Variants in ATF7IP observed in about 807,000 individuals in gnomAD.
The protein encoded by ATF7IP is activating transcription factor 7-interacting protein 1.
Under a neutral mutation model 106.4 loss-of-function variants are expected in ATF7IP, and 23 were observed. The ratio of observed to expected loss-of-function variants is 0.22; its 90% CI spans 0.16 to 0.31. The LOEUF (loss-of-function observed/expected upper bound fraction) is 0.31. Ranked by LOEUF, ATF7IP falls within the 10% of genes least tolerant of loss-of-function variation. The pLI is 1.00. For missense variants in ATF7IP, 1,334 were observed against 1,524.3 expected (o/e 0.88, Z 2.08); for synonymous variants, 542 against 539.0 (o/e 1.01, Z -0.08).
chr12:14,501,278 C>G lies in ATF7IP; in HGVS notation c.*3205C>G, dbSNP rs1945153205. On this transcript the variant is annotated 3_prime_UTR_variant, in exon 15 of 15. Transcript: ENST00000261168. ...AATGCAAGTTTGCTACATTTTTAGC[C>G]TGGCAATATTTGTGTAGGTATTGCC... The G allele has an allele frequency of 1.3e-5, 2 of 152,290 alleles. No homozygotes were observed. Among genetic ancestry groups the G allele is most frequent in the Admixed American group, 1.3e-4 (2 of 15,294 alleles). The allele number at this position is 152,290 out of a possible 1,614,324, so 9.4% of individuals were successfully genotyped here.
intron 1 of ATF7IP, among the ~76,000 whole-genome samples, chr12:14,397,314 T>A (rs1939906094): frequency 1.3e-5 from 2 of 152,242 alleles, no homozygotes; most frequent in Non-Finnish European, 2.9e-5. Context: ...GTGTTTGTGT[T>A]CCTTTTAAGA....
intron 1 of ATF7IP, among the ~76,000 whole-genome samples, chr12:14,414,425 A>G (rs567352311): frequency 1.4e-4 from 21 of 152,356 alleles, no homozygotes; most frequent in African/African-American, 2.4e-4. Flanking sequence ...TTTTGAATGT[A>G]GCCAAACACA....
intron 5 of ATF7IP, among the ~76,000 whole-genome samples, chr12:14,442,527 G>A (rs1381515163): frequency 6.6e-6 from 1 of 152,132 alleles, no homozygotes; most frequent in Non-Finnish European, 1.5e-5. Flanking sequence ...GATCAGTTGT[G>A]CTCATTTTGG....
At position 14,378,806 on chromosome 12, in the gene ATF7IP, G is replaced by A. The variant is rs1938878235; in HGVS notation, c.-8+12979G>A. On this transcript the variant is annotated intron_variant, in intron 1 of 14. Transcript: ENST00000261168. The stretch of plus-strand genomic sequence containing the variant: ...TATACCAGGATGCCTGCATCCATGA[G>A]TCTCTTCCATGTAAATAGCAATAGT... Among the ~76,000 whole-genome samples the A allele has an allele frequency of 2.6e-5, 4 of 152,146 alleles. No homozygotes were observed. In the South Asian group the frequency reaches 8.3e-4, roughly 32 times the overall value.
At chr12:14,490,342 C>T (rs1944771097) in intron 13 of ATF7IP, among the ~76,000 whole-genome samples, 1 of 152,206 alleles carries the variant, frequency 6.6e-6, no homozygotes, top group African/African-American at 2.4e-5. Flanking sequence ...TTAAAGAGGT[C>T]CATGCCCAGA....
At chr12:14,450,461 T>C (rs914047962) in intron 6 of ATF7IP, among the ~76,000 whole-genome samples, 2 of 152,232 alleles carry the variant, frequency 1.3e-5, no homozygotes, top group Non-Finnish European at 2.9e-5. Context: ...TCTGTTAATA[T>C]GTTACATTGA....
chr12:14,431,868 A>G (rs1442442292), intron 2 of ATF7IP, among the ~76,000 whole-genome samples: 1 of 152,184 alleles, frequency 6.6e-6, no homozygotes, highest in African/African-American at 2.4e-5. Flanking sequence ...AATTAAAGAA[A>G]TATAAGGCCC....
intron 1 of ATF7IP, among the ~76,000 whole-genome samples, chr12:14,422,481 A>G (rs1191679128): frequency 6.6e-6 from 1 of 152,200 alleles, no homozygotes; most frequent in Non-Finnish European, 1.5e-5. Flanking sequence ...CTGTATAATC[A>G]TCACCATAAT....
rs1205825276 is a variant in ATF7IP at position 14,500,188 on chromosome 12, ATGT to A, written c.*2120_*2122del. On this transcript the variant is annotated 3_prime_UTR_variant, in exon 15 of 15. Transcript: ENST00000261168. ...ATTACAGGAGGGAGCTCTTTTACTA[ATGT>A]TGTTTTGTTTGCAACTTTGATGGCT... 17 of 152,296 alleles carry A rather than the reference ATGT, an allele frequency of 1.1e-4. No individual in the cohort carries two copies. The highest frequency in any genetic ancestry group is 2.4e-4 in the African/African-American group (10 of 41,564). 9.4% of individuals were successfully genotyped at this position (152,296 alleles called of 1,614,324 possible).
intron 8 of ATF7IP, among the ~76,000 whole-genome samples, chr12:14,459,749 A>G (rs1943569343): frequency 6.6e-6 from 1 of 152,240 alleles, no homozygotes; most frequent in Non-Finnish European, 1.5e-5. Flanking sequence ...ATGAGAAAGA[A>G]GTTTGGTCAT....
At chr12:14,490,219 T>G (rs1591971183) in intron 13 of ATF7IP, among the ~76,000 whole-genome samples, 1 of 152,222 alleles carries the variant, frequency 6.6e-6, no homozygotes, top group African/African-American at 2.4e-5. Flanking sequence ...GGCCGAATGG[T>G]GTCCACAGAA....
chr12:14,428,512 C>A (rs1427635500), intron 2 of ATF7IP, among the ~76,000 whole-genome samples: 1 of 152,044 alleles, frequency 6.6e-6, no homozygotes, highest in African/African-American at 2.4e-5. Flanking sequence ...CTTTATATGG[C>A]GACAGAATCT....
intron 1 of ATF7IP, among the ~76,000 whole-genome samples, chr12:14,417,816 A>C (rs1941281708): frequency 1.3e-5 from 2 of 152,328 alleles, no homozygotes; most frequent in Non-Finnish European, 2.9e-5. Flanking sequence ...TAAGTATTGC[A>C]GATACAGTTT....
chr12:14,406,592 TAA>T (rs536916065), intron 1 of ATF7IP, among the ~76,000 whole-genome samples: 11 of 141,748 alleles, frequency 7.8e-5, no homozygotes, highest in African/African-American at 2.1e-4. Context: ...ATGTAACATT[TAA>T]AAAAAAAAAA....
At chr12:14,402,587 T>TA (rs1226349833) in intron 1 of ATF7IP, among the ~76,000 whole-genome samples, 2 of 149,076 alleles carry the variant, frequency 1.3e-5, no homozygotes, top group South Asian at 2.1e-4. Flanking sequence ...TGTTTCTAGA[T>TA]ACATTTTTCT....
At chr12:14,476,812 A>C (rs1308724844) in intron 11 of ATF7IP, among the ~76,000 whole-genome samples, 1 of 152,210 alleles carries the variant, frequency 6.6e-6, no homozygotes, top group African/African-American at 2.4e-5. Flanking sequence ...AAACGTTCAC[A>C]TCCAAAATAA....
intron 2 of ATF7IP, among the ~76,000 whole-genome samples, chr12:14,431,418 G>A (rs985956203): frequency 6.9e-6 from 1 of 144,930 alleles, no homozygotes; most frequent in Non-Finnish European, 1.5e-5. Flanking sequence ...TTTTTGAGAT[G>A]GCGTCTCGCT....
At position 14,466,562 on chromosome 12, in the gene ATF7IP, G is replaced by A. The variant is rs745823360; in HGVS notation, c.2834G>A (p.Ser945Asn). 1.3e-5 allele frequency: 21 copies of A among 1,604,416 alleles called. No homozygotes were observed. In the South Asian group the frequency reaches 2.4e-4, roughly 18 times the overall value. ...QTNKTIDASV[S>N]KKAADSTSQC... ...AACAAAACAATAGATGCTTCTGTCAGTAAGAAAGCAGCTGATAGCACATCA... is the reference window on the plus strand; with the variant it reads ...AACAAAACAATAGATGCTTCTGTCAATAAGAAAGCAGCTGATAGCACATCA... The change falls in exon 10 of 15, where the codon AGT becomes AAT. Residue 945 changes from serine (S) to asparagine (N), a missense_variant. Around this residue, in one of 10 missense-constraint regions of ATF7IP, gnomAD observed 370 missense variants for 401.2 expected, o/e 0.92. Transcript: ENST00000261168.
At chr12:14,387,284 G>A (rs991641022) in intron 1 of ATF7IP, among the ~76,000 whole-genome samples, 1 of 152,034 alleles carries the variant, frequency 6.6e-6, no homozygotes, top group African/African-American at 2.4e-5. Context: ...TATCCTTGGA[G>A]TGAGTATGAC....
Sources: allele counts gnomAD v4.1 joint callset (sites outside exome capture counted in the v4.1 genomes callset), GRCh38; gene constraint gnomAD v4.1.1; regional missense constraint gnomAD v4.1.1; transcripts MANE v1.5; gene names NCBI Gene and HGNC (gene_info 2026-07-23, HGNC 2026-07-21).